NEDD4: variants seen among roughly 807,000 people sequenced by gnomAD.
NEDD4 encodes NEDD4 E3 ubiquitin protein ligase.
Under a neutral mutation model 144.9 loss-of-function variants are expected in NEDD4, and 99 were observed. That is an observed-to-expected ratio of 0.68 (90% CI 0.58 to 0.81). The LOEUF (loss-of-function observed/expected upper bound fraction) is 0.81, where lower values mean the gene tolerates loss of function less well. Ranked by LOEUF, NEDD4 falls within the 30% of genes least tolerant of loss-of-function variation. The pLI, the probability that NEDD4 is intolerant of heterozygous loss-of-function variation, is 0.00. For synonymous variants in NEDD4, 318 were observed against 350.6 expected (o/e 0.91, Z 1.04); for missense variants, 985 against 1,065.9 (o/e 0.92, Z 1.06).
At chr15:55,961,898 T>C (rs1351582084) in intron 2 of NEDD4, among the ~76,000 whole-genome samples, 1 of 152,228 alleles carries the variant, frequency 6.6e-6, no homozygotes, top group East Asian at 1.9e-4. Flanking sequence ...TAGTGTTCTT[T>C]AGGTCAAAGT....
chr15:55,885,118 C>T (rs140250611), intron 5 of NEDD4, among the ~76,000 whole-genome samples: 38 of 152,252 alleles, frequency 2.5e-4, no homozygotes, highest in Middle Eastern at 3.4e-3. Flanking sequence ...CAGTGGAAAC[C>T]TTATTACCTT....
intron 4 of NEDD4, among the ~76,000 whole-genome samples, chr15:55,926,170 G>GT (rs1370768930): frequency 6.6e-6 from 1 of 151,948 alleles, no homozygotes; most frequent in Non-Finnish European, 1.5e-5. Context: ...TCTATATATT[G>GT]TTTTTTTGTG....
chr15:55,991,509 G>A (rs2037988229), intron 1 of NEDD4, among the ~76,000 whole-genome samples: 1 of 152,242 alleles, frequency 6.6e-6, no homozygotes, highest in Admixed American at 6.5e-5. Flanking sequence ...GTAAATGAAT[G>A]TCTGTTGAAT....
At position 55,863,015 on chromosome 15, in the gene NEDD4, G is replaced by A. The variant is rs1291947704; in HGVS notation, c.572C>T (p.Ser191Phe). The change falls in exon 9 of 29, where the codon TCT (serine) becomes TTT (phenylalanine). Residue 191 changes from serine (S) to phenylalanine (F), a missense_variant. Ser to Phe is a radical substitution (Grantham distance 155). Transcript: ENST00000435532. ...ACHLQQQQEP[S>F]PLPPGWEERQ... ...CTCTTCCCACCCTGGAGGTAGAGGA[G>A]AAGGTTCTTGTTGTTGCTGCAAATG... 1.2e-6 allele frequency: 2 copies of A among 1,606,654 alleles called. No individual in the cohort carries two copies. Among genetic ancestry groups the A allele is most frequent in the East Asian group, 2.2e-5 (1 of 44,738 alleles).
chr15:55,993,528 C>G lies in NEDD4; in HGVS notation c.28G>C (p.Gly10Arg), dbSNP rs755465246. MATCAVEVF[G>R]LLEDEENSRI... ...CCCCGCACCTCGTCCTCCAGGAGCC[C>G]GAACACCTCCACCGCGCAAGTTGCC... Residue 10 changes from glycine (G) to arginine (R), a missense_variant, in exon 1 of 29, where the codon GGG becomes CGG. Physicochemically the swap from Gly to Arg is moderately radical, Grantham distance 125. Transcript: ENST00000435532. 3.1e-6 allele frequency: 5 copies of G among 1,597,858 alleles called. No homozygotes were observed. The Admixed American group carries it at 5.1e-5, about 16-fold the overall frequency.
chr15:55,854,793 A>G (rs770571362), intron 12 of NEDD4, among the ~76,000 whole-genome samples: 13 of 152,140 alleles, frequency 8.5e-5, no homozygotes, highest in South Asian at 2.1e-4. Context: ...AACCCCAATC[A>G]ATGTATTGAG....
intron 5 of NEDD4, among the ~76,000 whole-genome samples, chr15:55,917,786 C>A (rs550729977): frequency 2.0e-5 from 3 of 151,700 alleles, no homozygotes; most frequent in Admixed American, 6.6e-5. Context: ...ATTAAAACTG[C>A]CAAGAAATAG....
intron 5 of NEDD4, among the ~76,000 whole-genome samples, chr15:55,895,267 TAACTTTCGAAGAGGTGGACGCTA>T (rs2142135352): frequency 6.6e-6 from 1 of 152,328 alleles, no homozygotes; most frequent in South Asian, 2.1e-4. Flanking sequence ...AAGGAAAAGA[TAACTTTCGAAGAGGTGGACGCTA>T]ACATTCTCTG....
At chr15:55,847,555 G>C (rs1337586803) in intron 17 of NEDD4, among the ~76,000 whole-genome samples, 1 of 151,780 alleles carries the variant, frequency 6.6e-6, no homozygotes, top group Non-Finnish European at 1.5e-5. Flanking sequence ...CTATAAAAAA[G>C]GATAATTTTC....
chr15:55,952,459 G>C (rs570356996), intron 2 of NEDD4, among the ~76,000 whole-genome samples: 1 of 152,140 alleles, frequency 6.6e-6, no homozygotes, highest in Non-Finnish European at 1.5e-5. Context: ...CACTTTACTT[G>C]TCCATTGTTA....
At chr15:55,950,357 G>A (rs1339471257) in intron 4 of NEDD4, among the ~76,000 whole-genome samples, 3 of 152,200 alleles carry the variant, frequency 2.0e-5, no homozygotes, top group Non-Finnish European at 2.9e-5. Context: ...TGCCCTTAAT[G>A]TCAGCAATTT....
chr15:55,898,790 C>T (rs1434114758), intron 5 of NEDD4, among the ~76,000 whole-genome samples: 2 of 151,898 alleles, frequency 1.3e-5, no homozygotes, highest in Non-Finnish European at 2.9e-5. Flanking sequence ...AGCGCCACCA[C>T]ACCTGGCTAA....
intron 5 of NEDD4, among the ~76,000 whole-genome samples, chr15:55,906,028 A>G (rs1335347656): frequency 6.6e-6 from 1 of 152,196 alleles, no homozygotes; most frequent in African/African-American, 2.4e-5. Flanking sequence ...GACACATGAA[A>G]AAATGCTCAT....
At chr15:55,944,529 T>TGCAGG (rs1461954441) in intron 4 of NEDD4, among the ~76,000 whole-genome samples, 1 of 152,242 alleles carries the variant, frequency 6.6e-6, no homozygotes, top group African/African-American at 2.4e-5. Flanking sequence ...CAAGGCCTAC[T>TGCAGG]GCCTATATAG....
At chr15:55,973,757 C>T (rs1566974525) in intron 1 of NEDD4, among the ~76,000 whole-genome samples, 1 of 151,044 alleles carries the variant, frequency 6.6e-6, no homozygotes, top group Non-Finnish European at 1.5e-5. Context: ...ACATAGCAAA[C>T]CTATGGAATA....
chr15:55,960,214 T>G (rs1406022451), intron 2 of NEDD4, among the ~76,000 whole-genome samples: 1 of 152,220 alleles, frequency 6.6e-6, no homozygotes, highest in Non-Finnish European at 1.5e-5. Flanking sequence ...GACTGAAGGA[T>G]GCAAAGTATT....
At chr15:55,896,775 A>C (rs942352199) in intron 5 of NEDD4, among the ~76,000 whole-genome samples, 11 of 152,148 alleles carry the variant, frequency 7.2e-5, no homozygotes, top group African/African-American at 2.7e-4. Flanking sequence ...GAAAAGGATA[A>C]AATTCTATTC....
intron 27 of NEDD4, among the ~76,000 whole-genome samples, chr15:55,831,210 G>A (rs1178140491): frequency 6.6e-6 from 1 of 152,138 alleles, no homozygotes; most frequent in Non-Finnish European, 1.5e-5. Flanking sequence ...ATGAGCTACC[G>A]CACCCAGCCG....
chr15:55,967,440 CTGTGTGTG>C (rs200788423), intron 1 of NEDD4, among the ~76,000 whole-genome samples: 19,547 of 142,314 alleles, frequency 0.14, 1,395 homozygotes, highest in East Asian at 0.33. Context: ...CATAACTATG[CTGTGTGTG>C]TGTGTGTGTG....
Sources: gnomAD v4.1 joint callset for allele counts (sites outside exome capture counted in the v4.1 genomes callset) on GRCh38, gnomAD v4.1.1 for gene constraint, MANE v1.5 for transcripts, NCBI Gene and HGNC (gene_info 2026-07-23, HGNC 2026-07-21) for gene names.